CCDC181: variants seen among roughly 807,000 people sequenced by gnomAD.
CCDC181 encodes the protein coiled-coil domain-containing protein 181.
CCDC181 carries 35 observed loss-of-function variants against 58.7 expected under a neutral mutation model. That is an observed-to-expected ratio of 0.60 (90% CI 0.46 to 0.79). The LOEUF (loss-of-function observed/expected upper bound fraction) is 0.79, where lower values mean the gene tolerates loss of function less well. Among genes scored for constraint, CCDC181 ranks in the 30% least tolerant of loss-of-function variants. The pLI is 0.00. For missense variants in CCDC181, 517 were observed against 583.9 expected, an observed-to-expected ratio of 0.89 and a Z score of 1.18; for synonymous variants, 183 against 197.5, an observed-to-expected ratio of 0.93 and a Z score of 0.62.
chr1:169,458,187 T>TTTG (rs1657731780), intron 2 of CCDC181, among the ~76,000 whole-genome samples: 1 of 136,888 alleles, frequency 7.3e-6, no homozygotes, highest in African/African-American at 2.7e-5. Context: ...TTTTTTTTTT[T>TTTG]TGTTTTGTTT....
intron 2 of CCDC181, among the ~76,000 whole-genome samples, chr1:169,444,425 T>C (rs894849587): frequency 6.6e-6 from 1 of 152,198 alleles, no homozygotes; most frequent in Non-Finnish European, 1.5e-5. Flanking sequence ...TAGTGAGTGA[T>C]GTAAGTGACA....
chr1:169,442,003 T>C (rs971425899), intron 2 of CCDC181, among the ~76,000 whole-genome samples: 3 of 152,042 alleles, frequency 2.0e-5, no homozygotes, highest in African/African-American at 7.2e-5. Flanking sequence ...GTAAACAATA[T>C]GAGGAAGAGA....
chr1:169,398,217 G>A (rs1010459066), intron 4 of CCDC181, among the ~76,000 whole-genome samples: 3 of 152,154 alleles, frequency 2.0e-5, no homozygotes, highest in African/African-American at 7.2e-5. Context: ...GGAGGAATAA[G>A]TTCTGGTGTT....
chr1:169,423,118 T>A (rs1382550928), intron 2 of CCDC181, among the ~76,000 whole-genome samples: 1 of 150,338 alleles, frequency 6.7e-6, no homozygotes, highest in Non-Finnish European at 1.5e-5. Flanking sequence ...CTAAAGCAGT[T>A]CTATGGGAGC....
chr1:169,425,753 C>T (rs1461011266), intron 1 of CCDC181, among the ~76,000 whole-genome samples: 2 of 152,064 alleles, frequency 1.3e-5, no homozygotes, highest in African/African-American at 4.8e-5. Context: ...AATCAGTTTT[C>T]TTTTCAGAGC....
intron 4 of CCDC181, among the ~76,000 whole-genome samples, chr1:169,405,780 C>A (rs895914917): frequency 6.6e-6 from 1 of 152,112 alleles, no homozygotes; most frequent in Non-Finnish European, 1.5e-5. Context: ...AAAGCAATGG[C>A]AACAAAAGCC....
chr1:169,437,307 T>C (rs113426965), intron 2 of CCDC181, among the ~76,000 whole-genome samples: 6,668 of 152,278 alleles, frequency 0.044, 211 homozygotes, highest in East Asian at 0.12. Flanking sequence ...TTAAATATTG[T>C]AGCCTCTAGC....
At chr1:169,400,031 AG>A in intron 4 of CCDC181, among the ~76,000 whole-genome samples, 1 of 152,312 alleles carries the variant, frequency 6.6e-6, no homozygotes, top group Admixed American at 6.5e-5. Context: ...GGTCTTGGCA[AG>A]GCCTGGGCTG....
At chr1:169,430,200 A>G (rs184860760), upstream of CCDC181, among the ~76,000 whole-genome samples, 269 of 152,198 alleles carry the variant, frequency 1.8e-3, no homozygotes, top group Non-Finnish European at 2.8e-3. Context: ...ATAGCCTTGT[A>G]GTATAGTTTG....
At chr1:169,396,707 G>GCAGT (rs1655054219) in intron 5 of CCDC181, among the ~76,000 whole-genome samples, 1 of 152,158 alleles carries the variant, frequency 6.6e-6, no homozygotes, top group Non-Finnish European at 1.5e-5. Flanking sequence ...ATTAGGCAAT[G>GCAGT]CAGTGTCTTA....
chr1:169,419,992 A>T (rs1182041130), intron 3 of CCDC181, among the ~76,000 whole-genome samples: 1 of 152,228 alleles, frequency 6.6e-6, no homozygotes, highest in African/African-American at 2.4e-5. Flanking sequence ...TAGTTATAGG[A>T]TACAATAAAA....
At chr1:169,419,705 A>C (rs1656377080) in intron 3 of CCDC181, among the ~76,000 whole-genome samples, 1 of 152,188 alleles carries the variant, frequency 6.6e-6, no homozygotes, top group Non-Finnish European at 1.5e-5. Flanking sequence ...TTTCCATTTC[A>C]CACAAAGGAC....
chr1:169,408,883 G>A (rs964029806), intron 4 of CCDC181, among the ~76,000 whole-genome samples: 2 of 152,018 alleles, frequency 1.3e-5, no homozygotes, highest in Non-Finnish European at 2.9e-5. Flanking sequence ...CCATCCAAAG[G>A]TCACCAACAT....
At chr1:169,448,665 G>A (rs1397374423) in intron 2 of CCDC181, among the ~76,000 whole-genome samples, 3 of 150,016 alleles carry the variant, frequency 2.0e-5, no homozygotes, top group South Asian at 2.1e-4. Context: ...ATCCTGCTTG[G>A]TGTTCTCTGA....
At position 169,448,864 on chromosome 1, in the gene CCDC181, T is replaced by A. The variant is rs185274158; in HGVS notation, c.-24+10933A>T. On this transcript the variant is annotated intron_variant, in intron 2 of 6. Coordinates refer to the CCDC181 transcript ENST00000545005. ...TCTGTTCCTTTTTTAAATTCACTTA[T>A]CTGTTTTATTTCAGTTAGGGAGTTT... 2.0e-5 allele frequency among the ~76,000 whole-genome samples: 3 copies of A among 152,304 alleles called. No individual in the cohort carries two copies. In the East Asian group the frequency reaches 5.8e-4, roughly 29 times the overall value.
At chr1:169,446,587 A>G (rs951917426) in intron 2 of CCDC181, among the ~76,000 whole-genome samples, 2 of 152,220 alleles carry the variant, frequency 1.3e-5, no homozygotes, top group African/African-American at 4.8e-5. Flanking sequence ...CTGCAGATTC[A>G]GCCAAATGCA....
intron 4 of CCDC181, among the ~76,000 whole-genome samples, chr1:169,405,884 A>G (rs1413454156): frequency 6.6e-6 from 1 of 152,166 alleles, no homozygotes; most frequent in African/African-American, 2.4e-5. Context: ...AGAATGGGGG[A>G]AAATTTTTAC....
At chr1:169,398,462 G>A (rs1019295040) in intron 4 of CCDC181, among the ~76,000 whole-genome samples, 1 of 152,116 alleles carries the variant, frequency 6.6e-6, no homozygotes, top group African/African-American at 2.4e-5. Flanking sequence ...AGGATTCAGG[G>A]AGCAACAGGA....
chr1:169,401,162 G>A (rs1205651067), intron 4 of CCDC181, among the ~76,000 whole-genome samples: 1 of 152,210 alleles, frequency 6.6e-6, no homozygotes. Context: ...AGCTCCAACT[G>A]GGTGGAGCTG....
Sources: allele counts gnomAD v4.1 joint callset (sites outside exome capture counted in the v4.1 genomes callset), GRCh38; gene constraint gnomAD v4.1.1; transcripts MANE v1.5; gene names NCBI Gene and HGNC (gene_info 2026-07-23, HGNC 2026-07-21).